Variants in ABCA2 observed in about 807,000 individuals in gnomAD.
The protein encoded by ABCA2 is ATP binding cassette subfamily A member 2.
In ABCA2, 84 loss-of-function variants were observed where a neutral mutation model predicts 262.8. The ratio of observed to expected loss-of-function variants is 0.32; its 90% CI spans 0.27 to 0.38. ABCA2 has a LOEUF of 0.38. ABCA2 is among the 10% of genes least tolerant of loss of function. The pLI is 1.00. For missense variants in ABCA2, 2,662 were observed against 3,405.9 expected (o/e 0.78, Z 5.44); for synonymous variants, 1,696 against 1,502.9 (o/e 1.13, Z -2.97).
chr9:137,013,378 C>A, intron 29 of ABCA2, 60 bp from the exon 30 acceptor site: 1 of 1,524,064 alleles, frequency 6.6e-7, no homozygotes, highest in South Asian at 1.2e-5. Flanking sequence ...CAGCCCCGCC[C>A]CCTCGCCCGC....
In ABCA2 at chr9:137,008,475, C is replaced by T. The variant is rs1445286442; in HGVS notation, c.7216G>A (p.Asp2406Asn). The T allele has an allele frequency of 3.2e-6, 5 of 1,568,648 alleles. No homozygotes were observed. The South Asian group carries it at 5.8e-5, about 18-fold the overall frequency. Residue 2406 changes from aspartate to asparagine, a missense_variant, in exon 48 of 49, where the codon GAC becomes AAC. Physicochemically the swap from Asp to Asn is conservative, Grantham distance 23. Coordinates refer to ENST00000341511, the MANE Select transcript of ABCA2 (RefSeq NM_001606.5). Reference protein sequence around the residue: ...APTELRALVADEPEDLDTEDE... With the variant: ...APTELRALVANEPEDLDTEDE... ...TCCGTGTCCAGGTCCTCGGGCTCGT[C>T]TGCCACAAGTGCCCGGAGCTCCGTG...
Position 137,013,693 on chromosome 9 carries a change from G to A in ABCA2, c.4448-130C>T, listed in dbSNP as rs1236746412. On this transcript the variant is annotated intron_variant, in intron 28 of 48. Transcript: ENST00000341511. ...TGGGACCCGAGGAGACAGGACTCCC[G>A]GATGAACCCCGGTGCGTGCCCAGCC... 11 of 1,339,250 alleles carry A rather than the reference G, an allele frequency of 8.2e-6. No homozygotes were observed. In the South Asian group the frequency reaches 9.4e-5, roughly 11 times the overall value. 83.0% of individuals were successfully genotyped at this position (1,339,250 alleles called of 1,614,324 possible). A position where few individuals can be genotyped will look rare whatever the true frequency, so the allele number is the denominator to read the frequency against.
Position 137,018,776 on chromosome 9 carries a change from TCTC to T in ABCA2, c.1759_1761del (p.Glu587del). 6.2e-7 allele frequency: 1 copy of T among 1,612,426 alleles called. No homozygotes were observed. Among genetic ancestry groups the T allele is most frequent in the Non-Finnish European group, 8.5e-7 (1 of 1,179,804 alleles). ...TGGTTGAGGGTGTAGTTGACAATGC[TCTC>T]CTCGTCGGGGAAGCCCTTGAAGATG... On this transcript the variant is annotated inframe_deletion, in exon 13 of 49. Transcript: ENST00000341511.
chr9:137,012,886 C>A lies in ABCA2; in HGVS notation c.4907G>T (p.Arg1636Leu). The change falls in exon 31 of 49, where the codon CGG becomes CTG. Residue 1636 changes from arginine to leucine, a missense_variant. Arg to Leu is a moderately radical substitution (Grantham distance 102, BLOSUM62 -2). This residue lies in a region of ABCA2 where 192 missense variants were observed against 207.2 expected (regional missense o/e 0.93). Coordinates refer to ENST00000341511, the MANE Select transcript of ABCA2 (RefSeq NM_001606.5). ...AGAGCAGGTGCAGCGGACGGGCTCCCGTACCAGGCGCGGCAGGGAGGGTGC... is the reference window on the plus strand; with the variant it reads ...AGAGCAGGTGCAGCGGACGGGCTCCAGTACCAGGCGCGGCAGGGAGGGTGC... ...TSAPSLPRLV[R>L]EPVRCTCSAQ... The A allele has an allele frequency of 6.4e-7, 1 of 1,571,224 alleles. No individual in the cohort carries two copies. Among genetic ancestry groups the A allele is most frequent in the South Asian group, 1.1e-5 (1 of 87,386 alleles).
At chr9:137,023,877 G>A in intron 2 of ABCA2, 37 bp from the exon 3 acceptor site, 1 of 916,070 alleles carries the variant, frequency 1.1e-6, no homozygotes, top group Non-Finnish European at 1.8e-6. Context: ...CATGCGGGGA[G>A]GGAGGGGGAT....
chr9:137,016,171 G>T lies in ABCA2; in HGVS notation c.3108C>A (p.Ser1036=). Residue 1036 remains serine, a synonymous_variant, in exon 22 of 49, where the codon TCC becomes TCA. Coordinates refer to ENST00000341511, the MANE Select transcript of ABCA2 (RefSeq NM_001606.5). Reference sequence around the variant, plus strand: ...TTGGAGGGAACAGGCCGGTCAGGATGGACCTGGGTAGGTGGGCGGGGTCAT... The same window carrying T: ...TTGGAGGGAACAGGCCGGTCAGGATTGACCTGGGTAGGTGGGCGGGGTCAT... ...HNGAGKTTTM[S]ILTGLFPPTS... is the part of the protein sequence containing the mutation. 1 of 1,612,644 alleles carries T rather than the reference G, an allele frequency of 6.2e-7. No individual in the cohort carries two copies. Among genetic ancestry groups the T allele is most frequent in the Non-Finnish European group, 8.5e-7 (1 of 1,179,884 alleles).
chr9:137,017,632 A>C lies in ABCA2; in HGVS notation c.2272T>G (p.Phe758Val), dbSNP rs1831309086. ...GTCACGGAGATGGACAGCTGCACAA[A>C]GCCGGTGATGAACCAGGCCACCCAG... ...VHWVAWFITG[F>V]VQLSISVTAL... The change falls in exon 17 of 49, where the codon TTT becomes GTT. Residue 758 changes from phenylalanine (F) to valine (V), a missense_variant. Physicochemically the swap from Phe to Val is conservative, Grantham distance 50. Transcript: ENST00000341511. The C allele has an allele frequency of 3.7e-6, 6 of 1,612,726 alleles. No homozygotes were observed. The highest frequency in any genetic ancestry group is 5.1e-6 in the Non-Finnish European group (6 of 1,179,900).
intron 23 of ABCA2, 32 bp from the exon 24 acceptor site, chr9:137,015,628 C>A (rs1564220317): frequency 1.9e-6 from 3 of 1,611,594 alleles, no homozygotes; most frequent in Non-Finnish European, 2.5e-6. Context: ...GGTCAGGGGG[C>A]AGGGGAGGCG....
chr9:137,028,753 C>T (rs759314489), upstream of ABCA2: 43 of 1,284,078 alleles, frequency 3.3e-5, no homozygotes, highest in East Asian at 2.5e-4. The surrounding 1 kb of genome is among the most constrained non-coding windows in gnomAD (Gnocchi z 6.9). Context: ...GGGTCCGTCC[C>T]GCGATTCCGA....
rs1831367410 is a variant in ABCA2 at position 137,019,123 on chromosome 9, G to T, written c.1555-53C>A. ...GGACCTGCGCCTGCCGAGCCGGGCA[G>T]AGAGGGGCTCCCCACACCACCCACA... is the stretch of plus-strand genomic sequence containing the variant. On this transcript the variant is annotated intron_variant, in intron 11 of 48. Coordinates refer to ENST00000341511, the MANE Select transcript of ABCA2 (RefSeq NM_001606.5). This position sits in a 1 kb window ranked among gnomAD's most constrained non-coding sequence, Gnocchi z 4.4. 2 of 1,603,396 alleles carry T rather than the reference G, an allele frequency of 1.2e-6. No individual in the cohort carries two copies. Among genetic ancestry groups the T allele is most frequent in the East Asian group, 2.2e-5 (1 of 44,626 alleles).
rs1228521421 is a variant in ABCA2 at position 137,011,422 on chromosome 9, G to A, written c.5784C>T (p.Leu1928=). The A allele has an allele frequency of 6.2e-7, 1 of 1,611,476 alleles. No individual in the cohort carries two copies. The highest frequency in any genetic ancestry group is 8.5e-7 in the Non-Finnish European group (1 of 1,179,436). Reference sequence around the variant, plus strand: ...ACCGCCCCACCTTGTCGTGCTCGAAGAGCTGTAGCAGGAAGGTGGCCACGG... The same window carrying A: ...ACCGCCCCACCTTGTCGTGCTCGAAAAGCTGTAGCAGGAAGGTGGCCACGG... The part of the protein sequence containing the change: ...TATVATFLLQ[L]FEHDKDLKVV... The change falls in exon 37 of 49, where the codon CTC becomes CTT. Residue 1928 remains leucine, a synonymous_variant. Coordinates refer to ENST00000341511, the MANE Select transcript of ABCA2 (RefSeq NM_001606.5). This position sits in a 1 kb window ranked among gnomAD's most constrained non-coding sequence, Gnocchi z 8.8.
intron 48 of ABCA2, 190 bp from the exon 49 acceptor site, chr9:137,008,154 A>G (rs1015589762): frequency 3.6e-6 from 3 of 832,130 alleles, no homozygotes; most frequent in Non-Finnish European, 5.8e-6. Flanking sequence ...CTGAGTCTAC[A>G]TCGGTCCCCT....
At chr9:137,028,330 C>T (rs1353016358), upstream of ABCA2, 1 of 938,800 alleles carries the variant, frequency 1.1e-6, no homozygotes, top group Non-Finnish European at 1.3e-6. The surrounding 1 kb of genome is among the most constrained non-coding windows in gnomAD (Gnocchi z 6.9). Flanking sequence ...CCCCGCCCGC[C>T]CCCGCTTAAA....
At chr9:137,025,052 C>T (rs1336751072) in intron 1 of ABCA2, among the ~76,000 whole-genome samples, 1 of 152,190 alleles carries the variant, frequency 6.6e-6, no homozygotes, top group Non-Finnish European at 1.5e-5. Flanking sequence ...CCCACCTGGG[C>T]GTGAGCCACC....
At chr9:137,022,054 TG>T in intron 6 of ABCA2, 53 bp from the exon 7 acceptor site, 1 of 154,714 alleles carries the variant, frequency 6.5e-6, no homozygotes, top group Non-Finnish European at 9.8e-6. Flanking sequence ...GTGGCTCAGA[TG>T]GTGGGGGCGT....
chr9:137,019,444 T>A lies in ABCA2; in HGVS notation c.1426-138A>T. 2 of 940,954 alleles carry A rather than the reference T, an allele frequency of 2.1e-6. No homozygotes were observed. The highest frequency in any genetic ancestry group is 3.1e-6 in the Non-Finnish European group (2 of 653,214). The allele number at this position is 940,954 out of a possible 1,614,324, so 58.3% of individuals were successfully genotyped here. On this transcript the variant is annotated intron_variant, in intron 10 of 48. Coordinates refer to ENST00000341511, the MANE Select transcript of ABCA2 (RefSeq NM_001606.5). The surrounding 1 kb of genome is among the most constrained non-coding windows in gnomAD (Gnocchi z 4.4). The stretch of plus-strand genomic sequence containing the variant: ...CCCACCTTTTTTTTTTTTTTTTTCC[T>A]GAGACAGGGTCTCAGTCACCCACGC...
At chr9:137,009,248 G>GGCC in intron 45 of ABCA2, 122 bp downstream of exon 45, 1 of 612,442 alleles carries the variant, frequency 1.6e-6, no homozygotes, top group Non-Finnish European at 2.6e-6. Flanking sequence ...CAGCCCCAGT[G>GGCC]CCCCCAGCCC....
In ABCA2 at chr9:137,016,623, G is replaced by A; in HGVS notation, c.2874C>T (p.Leu958=). Residue 958 remains leucine, a synonymous_variant, in exon 20 of 49, where the codon CTC becomes CTT. Coordinates refer to ENST00000341511, the MANE Select transcript of ABCA2 (RefSeq NM_001606.5). Reference sequence around the variant, plus strand: ...AGGCCTGGTCCTCCTCCATGACACTGAGGCGGGGGGTGCGTGCCCACGGCC... The same window carrying A: ...AGGCCTGGTCCTCCTCCATGACACTAAGGCGGGGGGTGCGTGCCCACGGCC... The part of the protein sequence containing the change: ...WSWPWARTPR[L]SVMEEDQACA... 1 of 1,611,622 alleles carries A rather than the reference G, an allele frequency of 6.2e-7. No individual in the cohort carries two copies. The highest frequency in any genetic ancestry group is 8.5e-7 in the Non-Finnish European group (1 of 1,179,622).
Position 137,011,964 on chromosome 9 carries a change from G to C in ABCA2, c.5415C>G (p.Phe1805Leu), listed in dbSNP as rs141230870. The change falls in exon 35 of 49, where the codon TTC becomes TTG. Residue 1805 changes from phenylalanine to leucine, a missense_variant. Phe to Leu is a conservative substitution (Grantham distance 22, BLOSUM62 0). Transcript: ENST00000341511. The surrounding 1 kb of genome is among the most constrained non-coding windows in gnomAD (Gnocchi z 8.8). ...GGAAGACAACGAAGCTGGCCGGCAC[G>C]AAGGACATGGCCACGATGATGAAGA... ...IAIFIIVAMS[F>L]VPASFVVFLV... 1 of 1,612,706 alleles carries C rather than the reference G, an allele frequency of 6.2e-7. No individual in the cohort carries two copies. The highest frequency in any genetic ancestry group is 8.5e-7 in the Non-Finnish European group (1 of 1,179,958).
Sources: allele counts gnomAD v4.1 joint callset (sites outside exome capture counted in the v4.1 genomes callset), GRCh38; gene constraint gnomAD v4.1.1; regional missense constraint gnomAD v4.1.1; non-coding constraint Gnocchi (gnomAD v3.1); transcripts MANE v1.5; gene names NCBI Gene and HGNC (gene_info 2026-07-23, HGNC 2026-07-21).